STAU2: variants seen among roughly 807,000 people sequenced by gnomAD.
STAU2 encodes staufen double-stranded RNA binding protein 2.
A neutral mutation model predicts 65.9 loss-of-function variants in STAU2; 20 were observed. The ratio of observed to expected loss-of-function variants is 0.30; its 90% CI spans 0.21 to 0.44. The LOEUF is 0.44. STAU2 is among the 20% of genes least tolerant of loss of function. STAU2 has a pLI of 1.00. For missense variants in STAU2, 558 were observed against 683.9 expected (o/e 0.82, Z 2.05); for synonymous variants, 232 against 233.9 (o/e 0.99, Z 0.07).
intron 12 of STAU2, among the ~76,000 whole-genome samples, chr8:73,566,519 A>C (rs1045715552): frequency 6.6e-6 from 1 of 152,222 alleles, no homozygotes; most frequent in Non-Finnish European, 1.5e-5. Context: ...CTTTCAAAAA[A>C]ATGCGTACTT....
At chr8:73,744,593 GA>G (rs947213616) in intron 1 of STAU2, among the ~76,000 whole-genome samples, 7 of 151,884 alleles carry the variant, frequency 4.6e-5, no homozygotes, top group East Asian at 1.9e-4. Flanking sequence ...GACTATCTTA[GA>G]TTTTTTTTAT....
intron 3 of STAU2, among the ~76,000 whole-genome samples, chr8:73,721,286 C>T: frequency 1.7e-5 from 1 of 57,438 alleles, no homozygotes; most frequent in African/African-American, 9.1e-5. Flanking sequence ...AACCCCACCT[C>T]CAAAAAAAAA....
intron 5 of STAU2, among the ~76,000 whole-genome samples, chr8:73,687,174 AT>A (rs1249423555): frequency 2.8e-5 from 4 of 142,120 alleles, no homozygotes; most frequent in Non-Finnish European, 6.1e-5. Flanking sequence ...ATTATGTATA[AT>A]TATATAATAT....
rs1470205299 is a variant in STAU2 at position 73,735,104 on chromosome 8, T to C, written c.-18+3180A>G. Reference sequence around the variant, plus strand: ...ATGTGTCACCATATCTAACTTTTTTTATTTTTTGTAGAGACAGGGTCCTAC... The same window carrying C: ...ATGTGTCACCATATCTAACTTTTTTCATTTTTTGTAGAGACAGGGTCCTAC... On this transcript the variant is annotated intron_variant, in intron 3 of 14. Transcript: ENST00000524300. 2.6e-5 allele frequency among the ~76,000 whole-genome samples: 4 copies of C among 152,142 alleles called. No individual in the cohort carries two copies. In the East Asian group the frequency reaches 5.8e-4, roughly 22 times the overall value.
At chr8:73,561,396 G>T (rs541613312) in intron 12 of STAU2, 36 of 331,986 alleles carry the variant, frequency 1.1e-4, no homozygotes, top group Non-Finnish European at 1.9e-4. Context: ...CTGTGAAAAT[G>T]ATGTTTGAGA....
chr8:73,615,369 AT>A (rs1812756666), intron 8 of STAU2, among the ~76,000 whole-genome samples: 1 of 152,172 alleles, frequency 6.6e-6, no homozygotes, highest in South Asian at 2.1e-4. Context: ...ATTTAATCCT[AT>A]TTAAAATGCC....
intron 6 of STAU2, among the ~76,000 whole-genome samples, chr8:73,623,897 A>T (rs918655709): frequency 1.3e-5 from 2 of 152,180 alleles, no homozygotes; most frequent in Non-Finnish European, 2.9e-5. Flanking sequence ...ATTCTTGAGG[A>T]ATTTCAAATA....
At chr8:73,616,991 T>C (rs1812873160) in intron 7 of STAU2, among the ~76,000 whole-genome samples, 1 of 152,224 alleles carries the variant, frequency 6.6e-6, no homozygotes, top group African/African-American at 2.4e-5. Context: ...TCCTTGATTC[T>C]AGATTCACAC....
At chr8:73,537,464 T>C (rs940041126) in intron 13 of STAU2, among the ~76,000 whole-genome samples, 3 of 152,074 alleles carry the variant, frequency 2.0e-5, no homozygotes, top group Non-Finnish European at 2.9e-5. Flanking sequence ...AGAAAAATCT[T>C]GAAAGAAGTG....
At chr8:73,644,188 G>A (rs1206739885) in intron 6 of STAU2, among the ~76,000 whole-genome samples, 2 of 151,696 alleles carry the variant, frequency 1.3e-5, no homozygotes, top group African/African-American at 4.8e-5. Flanking sequence ...ATAATCCAGG[G>A]GTCAATGAAT....
At chr8:73,745,721 A>C (rs1586404515) in intron 1 of STAU2, among the ~76,000 whole-genome samples, 1 of 152,176 alleles carries the variant, frequency 6.6e-6, no homozygotes, top group Non-Finnish European at 1.5e-5. Context: ...GTCCCTCTCT[A>C]TCTGCTCAAG....
At chr8:73,728,637 G>C (rs550316026) in intron 3 of STAU2, among the ~76,000 whole-genome samples, 26 of 152,260 alleles carry the variant, frequency 1.7e-4, no homozygotes, top group Middle Eastern at 3.4e-3. Flanking sequence ...ATAGTTTACA[G>C]TGCACAAGTC....
chr8:73,452,626 T>C (rs921282348), intron 13 of STAU2, among the ~76,000 whole-genome samples: 1 of 152,270 alleles, frequency 6.6e-6, no homozygotes, highest in Admixed American at 6.5e-5. Flanking sequence ...AGTAGTAGAA[T>C]GTGAGTTCTG....
intron 11 of STAU2, among the ~76,000 whole-genome samples, chr8:73,586,859 G>T (rs10096586): frequency 0.97 from 147,698 of 151,940 alleles, 71,805 homozygotes; most frequent in East Asian, 1. Context: ...AAAACAGAAA[G>T]AGGGGGAGAA....
Position 73,688,740 on chromosome 8 carries a change from T to C in STAU2, c.188A>G (p.Gln63Arg). The change falls in exon 5 of 15, where the codon CAG becomes CGG. Residue 63 changes from glutamine (Q) to arginine (R), a missense_variant. By Grantham distance (43) the Gln-to-Arg change is conservative. Around this residue, in one of 3 missense-constraint regions of STAU2, gnomAD observed 112 missense variants for 114.2 expected, o/e 0.98. Transcript: ENST00000524300. ...AGTCAAAGCTTTATTGGCAACAGCC[T>C]GCTGAGCCTTCTTTATACTGCTGCC... ...SEGSSIKKAQ[Q>R]AVANKALTES... The C allele has an allele frequency of 3.1e-6, 5 of 1,614,196 alleles. No homozygotes were observed. Among genetic ancestry groups the C allele is most frequent in the African/African-American group, 1.3e-5 (1 of 75,052 alleles).
chr8:73,554,989 C>T (rs1322568076), intron 12 of STAU2, among the ~76,000 whole-genome samples: 1 of 152,222 alleles, frequency 6.6e-6, no homozygotes, highest in Admixed American at 6.5e-5. Context: ...CTTAGTTAAG[C>T]TCCAACTGCT....
rs376334054 is a variant in STAU2 at position 73,548,998 on chromosome 8, A to G, written c.1530+3014T>C. Among the ~76,000 whole-genome samples, 98 of 152,356 alleles carry G rather than the reference A, an allele frequency of 6.4e-4. No homozygotes were observed. The South Asian group carries it at 0.019, about 30-fold the overall frequency. Reference sequence around the variant, plus strand: ...TTAAAATAATGCAAAGTACAACATGAAACAAATTCTTTCACTTCAGCTCAA... The same window carrying G: ...TTAAAATAATGCAAAGTACAACATGGAACAAATTCTTTCACTTCAGCTCAA... On this transcript the variant is annotated intron_variant, in intron 13 of 14. Transcript: ENST00000524300.
intron 3 of STAU2, among the ~76,000 whole-genome samples, chr8:73,737,692 C>A (rs1454581576): frequency 2.0e-5 from 3 of 151,654 alleles, no homozygotes; most frequent in Non-Finnish European, 4.4e-5. Context: ...TTGAGCCACC[C>A]AGCCTGGCCA....
intron 4 of STAU2, 29 bp from the exon 5 acceptor site, chr8:73,688,842 A>C: frequency 1.3e-6 from 2 of 1,594,620 alleles, no homozygotes; most frequent in South Asian, 2.2e-5. Context: ...GACAAAGAAA[A>C]CATTAAGACT....
Sources: allele counts gnomAD v4.1 joint callset (sites outside exome capture counted in the v4.1 genomes callset), GRCh38; gene constraint gnomAD v4.1.1; regional missense constraint gnomAD v4.1.1; transcripts MANE v1.5; gene names NCBI Gene and HGNC (gene_info 2026-07-23, HGNC 2026-07-21).